The following NCAPH variants were observed in gnomAD, a reference collection of about 807,000 sequenced individuals.
NCAPH encodes non-SMC condensin I complex subunit H.
A neutral mutation model predicts 85.5 loss-of-function variants in NCAPH; 38 were observed. That is an observed-to-expected ratio of 0.44 (90% CI 0.34 to 0.58). The LOEUF is 0.58. NCAPH is among the 20% of genes least tolerant of loss of function. The pLI, the probability that NCAPH is intolerant of heterozygous loss-of-function variation, is 0.01. For missense variants in NCAPH, 789 were observed against 916.6 expected (o/e 0.86, Z 1.80); for synonymous variants, 301 against 335.1 (o/e 0.90, Z 1.11).
At chr2:96,366,649 C>T (rs1573095373) in intron 14 of NCAPH, among the ~76,000 whole-genome samples, 1 of 152,052 alleles carries the variant, frequency 6.6e-6, no homozygotes, top group South Asian at 2.1e-4. Context: ...GAGGCCAAGG[C>T]GGGCAGATCA....
intron 3 of NCAPH, 49 bp from the exon 4 acceptor site, chr2:96,342,707 T>A (rs2064312400): frequency 7.0e-7 from 1 of 1,422,898 alleles, no homozygotes. Context: ...ATTATTTACA[T>A]GAGCCTAGGC....
chr2:96,338,241 G>GAA (rs34560390), intron 1 of NCAPH, among the ~76,000 whole-genome samples: 19,493 of 80,378 alleles, frequency 0.24, 3,153 homozygotes, highest in South Asian at 0.58. Flanking sequence ...CTATTTTATT[G>GAA]AAAAAAAAAA....
At position 96,376,701 on chromosome 2, in the gene NCAPH, G is replaced by A. The variant is rs1000439125; in HGVS notation, c.*3350G>A. On this transcript the variant is annotated 3_prime_UTR_variant, in exon 18 of 18. Coordinates refer to ENST00000240423, the MANE Select transcript of NCAPH (RefSeq NM_015341.5). ...GTGTCCTGGAGCAAGGAAAGGAACC[G>A]TTCATGGTGGCTGAAGCCAAGCTGC... Among the ~76,000 whole-genome samples the A allele has an allele frequency of 1.8e-4, 28 of 152,194 alleles. No individual in the cohort carries two copies. Among genetic ancestry groups the A allele is most frequent in the Non-Finnish European group, 3.4e-4 (23 of 68,038 alleles).
intron 9 of NCAPH, among the ~76,000 whole-genome samples, chr2:96,354,997 G>A (rs765210481): frequency 1.3e-5 from 2 of 152,120 alleles, no homozygotes; most frequent in African/African-American, 2.4e-5. Flanking sequence ...GTAAGCAAGT[G>A]GGGGTTAGGC....
chr2:96,335,943 G>A (rs1000343187), intron 1 of NCAPH, 95 bp downstream of exon 1: 2 of 1,320,920 alleles, frequency 1.5e-6, no homozygotes, highest in Admixed American at 3.9e-5. Context: ...GGCGGGGAGA[G>A]AGGATATGCT....
chr2:96,365,764 A>G, intron 13 of NCAPH, 112 bp from the exon 14 acceptor site: 1 of 1,049,910 alleles, frequency 9.5e-7, no homozygotes, highest in Non-Finnish European at 1.4e-6. Context: ...TAACTCACTG[A>G]GTGAACCATC....
rs1553446603 is a variant in NCAPH, at chr2:96,351,838, C to T, written c.728C>T (p.Pro243Leu). Residue 243 changes from proline to leucine, a missense_variant, in exon 7 of 18, where the codon CCC (proline) becomes CTC (leucine). Pro to Leu is a moderately conservative substitution (Grantham distance 98, BLOSUM62 -3). Transcript: ENST00000240423. ...SEADRKCEID[P>L]MFQKTAASFD... ...TTCTCTCTCTGTGTTCAGATTGATC[C>T]CATGTTTCAGAAGACAGCAGCCTCA... 5 of 1,598,126 alleles carry T rather than the reference C, an allele frequency of 3.1e-6. No individual in the cohort carries two copies. The highest frequency in any genetic ancestry group is 1.7e-6 in the Non-Finnish European group (2 of 1,173,548).
intron 6 of NCAPH, among the ~76,000 whole-genome samples, chr2:96,345,073 G>A (rs1319520457): frequency 2.0e-5 from 3 of 152,224 alleles, no homozygotes; most frequent in Non-Finnish European, 4.4e-5. Flanking sequence ...GGAAATGAAT[G>A]TATATGGGAA....
intron 10 of NCAPH, 124 bp downstream of exon 10, chr2:96,359,317 C>T: frequency 8.1e-7 from 1 of 1,236,542 alleles, no homozygotes; most frequent in Non-Finnish European, 1.1e-6. Context: ...GCCGAGGAAG[C>T]ATACAGATGA....
chr2:96,335,876 G>A, intron 1 of NCAPH, 28 bp downstream of exon 1: 7 of 1,455,204 alleles, frequency 4.8e-6, no homozygotes, highest in Non-Finnish European at 5.4e-6. Context: ...GAGGCGCGGC[G>A]GGAAGGGCCC....
At position 96,376,837 on chromosome 2, in the gene NCAPH, GA is replaced by G. The variant is rs902139739; in HGVS notation, c.*3495del. On this transcript the variant is annotated 3_prime_UTR_variant, in exon 18 of 18. Coordinates refer to ENST00000240423, the MANE Select transcript of NCAPH (RefSeq NM_015341.5). ...TGGGGATCATTTATGGGTACCAAAA[GA>G]AAAAAAAATGAATAAGATCTACTAT... Among the ~76,000 whole-genome samples, 14 of 149,772 alleles carry G rather than the reference GA, an allele frequency of 9.3e-5. No individual in the cohort carries two copies. Among genetic ancestry groups the G allele is most frequent in the South Asian group, 2.1e-4 (1 of 4,748 alleles).
At chr2:96,364,036 A>G (rs1427244524) in intron 12 of NCAPH, among the ~76,000 whole-genome samples, 1 of 152,058 alleles carries the variant, frequency 6.6e-6, no homozygotes, top group Non-Finnish European at 1.5e-5. Context: ...TCCTAGGCTC[A>G]AGCAGTTCTC....
In NCAPH at chr2:96,369,014, G is replaced by C. The variant is rs1424571546; in HGVS notation, c.2041G>C (p.Val681Leu). 6.4e-7 allele frequency: 1 copy of C among 1,556,774 alleles called. No individual in the cohort carries two copies. The highest frequency in any genetic ancestry group is 1.2e-5 in the South Asian group (1 of 84,322). Residue 681 changes from valine (V) to leucine (L), a missense_variant, in exon 16 of 18, where the codon GTG (valine) becomes CTG (leucine). Coordinates refer to ENST00000240423, the MANE Select transcript of NCAPH (RefSeq NM_015341.5). ...TGGAAAAGAAGCGGCCCTGGCAGAA[G>C]TGGCTGACGAGAAGATGCTTAGCGG... Reference protein sequence around the residue: ...EAGKEAALAEVADEKMLSGLT... With the variant: ...EAGKEAALAELADEKMLSGLT...
chr2:96,359,492 ATGACCCC>A (rs2064574609), intron 10 of NCAPH: 1 of 382,626 alleles, frequency 2.6e-6, no homozygotes, highest in African/African-American at 2.0e-5. Context: ...ACGGGTGGGC[ATGACCCC>A]CGGGCACTAG....
chr2:96,357,847 G>A (rs539860758), intron 9 of NCAPH, among the ~76,000 whole-genome samples: 1 of 152,164 alleles, frequency 6.6e-6, no homozygotes, highest in Admixed American at 6.5e-5. Flanking sequence ...CTATATGTAG[G>A]CTCAATACAA....
At chr2:96,343,786 T>C (rs1285267376) in intron 5 of NCAPH, among the ~76,000 whole-genome samples, 1 of 151,634 alleles carries the variant, frequency 6.6e-6, no homozygotes, top group Non-Finnish European at 1.5e-5. Context: ...CGGCAGCCTC[T>C]GGCTCCCAAG....
At chr2:96,359,519 A>T (rs2064575247) in intron 10 of NCAPH, 1 of 328,882 alleles carries the variant, frequency 3.0e-6, no homozygotes, top group African/African-American at 2.1e-5. Flanking sequence ...GAGGGCACAC[A>T]GGAGCTACTG....
rs867519423 is a variant in NCAPH at position 96,368,015 on chromosome 2, T to A, written c.1998+642T>A. 2.0e-5 allele frequency among the ~76,000 whole-genome samples: 3 copies of A among 152,264 alleles called. No homozygotes were observed. In the East Asian group the frequency reaches 5.8e-4, roughly 29 times the overall value. On this transcript the variant is annotated intron_variant, in intron 15 of 17. Transcript: ENST00000240423. ...GAAGATAGTGGAAAAGTAATTATTA[T>A]ACTGTCAGATTCTACTTCTTCAGAA...
intron 13 of NCAPH, 97 bp downstream of exon 13, chr2:96,364,688 G>A: frequency 1.2e-6 from 1 of 864,548 alleles, no homozygotes; most frequent in Non-Finnish European, 1.8e-6. Context: ...GAGACTGTTG[G>A]CAATTTTGAA....
Sources: gnomAD v4.1 joint callset for allele counts (sites outside exome capture counted in the v4.1 genomes callset) on GRCh38, gnomAD v4.1.1 for gene constraint, MANE v1.5 for transcripts, NCBI Gene and HGNC (gene_info 2026-07-23, HGNC 2026-07-21) for gene names.